Variants in SOX6 observed in about 807,000 individuals in gnomAD.
SOX6 encodes transcription factor SOX-6.
Under a neutral mutation model 97.8 loss-of-function variants are expected in SOX6, and 11 were observed. The ratio of observed to expected loss-of-function variants is 0.11; its 90% CI spans 0.07 to 0.19. SOX6 has a LOEUF of 0.19. Among genes scored for constraint, SOX6 ranks in the 10% least tolerant of loss-of-function variants. The pLI is 1.00. For synonymous variants in SOX6, 360 were observed against 371.4 expected (o/e 0.97, Z 0.35); for missense variants, 810 against 1,039.5 (o/e 0.78, Z 3.04).
chr11:16,629,466 CT>C (rs1297680661), intron 3 of SOX6, among the ~76,000 whole-genome samples: 1 of 152,114 alleles, frequency 6.6e-6, no homozygotes, highest in East Asian at 1.9e-4. Flanking sequence ...GGTGAATTAA[CT>C]TTTTGATGTA....
At chr11:16,005,118 A>G (rs1485203573) in intron 13 of SOX6, among the ~76,000 whole-genome samples, 1 of 152,006 alleles carries the variant, frequency 6.6e-6, no homozygotes, top group Non-Finnish European at 1.5e-5. Flanking sequence ...TGTTCCCTTT[A>G]TAGACTTTCC....
chr11:16,732,336 A>G (rs1402684054), intron 2 of SOX6, among the ~76,000 whole-genome samples: 2 of 152,218 alleles, frequency 1.3e-5, no homozygotes, highest in Non-Finnish European at 2.9e-5. Context: ...ACTTCAAACT[A>G]AGCTACAAGG....
chr11:16,208,238 A>G (rs1852125546), intron 4 of SOX6, among the ~76,000 whole-genome samples: 1 of 152,208 alleles, frequency 6.6e-6, no homozygotes, highest in South Asian at 2.1e-4. Flanking sequence ...CACATCTGTC[A>G]TTTGAATTTC....
chr11:16,195,763 C>T (rs1051500997), intron 4 of SOX6, among the ~76,000 whole-genome samples: 16 of 152,156 alleles, frequency 1.1e-4, no homozygotes, highest in Non-Finnish European at 5.9e-5. Context: ...CATTCTCTGG[C>T]ATTCTCCGGC....
At chr11:16,164,605 C>T (rs138874154) in intron 6 of SOX6, among the ~76,000 whole-genome samples, 41 of 152,092 alleles carry the variant, frequency 2.7e-4, no homozygotes, top group Non-Finnish European at 4.6e-4. Context: ...GGGCGGATCA[C>T]GAGGTCAGGG....
chr11:16,438,784 T>C (rs1859440161), intron 1 of SOX6, among the ~76,000 whole-genome samples: 1 of 152,024 alleles, frequency 6.6e-6, no homozygotes, highest in Non-Finnish European at 1.5e-5. Context: ...GAGAAGTCCA[T>C]GATCAGGAAA....
At chr11:16,284,570 G>A (rs1041329216) in intron 3 of SOX6, among the ~76,000 whole-genome samples, 1 of 151,816 alleles carries the variant, frequency 6.6e-6, no homozygotes, top group African/African-American at 2.4e-5. Context: ...TTATGTTCTA[G>A]GCAATATGCT....
At chr11:16,341,367 T>G in intron 1 of SOX6, 115 bp from the exon 2 acceptor site, 2 of 1,430,264 alleles carry the variant, frequency 1.4e-6, no homozygotes, top group South Asian at 2.8e-5. Flanking sequence ...TAGAGATATT[T>G]GTGGTCCACT....
intron 1 of SOX6, among the ~76,000 whole-genome samples, chr11:16,348,676 T>G (rs1856830067): frequency 6.6e-6 from 1 of 152,106 alleles, no homozygotes; most frequent in South Asian, 2.1e-4. Flanking sequence ...TGAACCTATA[T>G]CATTAAAGGG....
intron 6 of SOX6, among the ~76,000 whole-genome samples, chr11:16,167,477 G>A (rs1014643309): frequency 2.6e-5 from 4 of 152,054 alleles, no homozygotes; most frequent in South Asian, 4.1e-4. Context: ...AGGGCACGCC[G>A]TTCTTTCCAA....
chr11:16,278,297 C>T (rs10832584), intron 3 of SOX6, among the ~76,000 whole-genome samples: 118,705 of 152,062 alleles, frequency 0.78, 46,471 homozygotes, highest in Non-Finnish European at 0.8. Context: ...CTAATTATTA[C>T]CTACCTGAGA....
At chr11:16,231,576 A>C (rs1852852273) in intron 4 of SOX6, among the ~76,000 whole-genome samples, 1 of 151,852 alleles carries the variant, frequency 6.6e-6, no homozygotes, top group Non-Finnish European at 1.5e-5. Context: ...TGGCAATATG[A>C]ATCAAAAGTC....
intron 6 of SOX6, among the ~76,000 whole-genome samples, chr11:16,126,911 T>C (rs1270689237): frequency 1.3e-5 from 2 of 152,106 alleles, no homozygotes; most frequent in Admixed American, 1.3e-4. Flanking sequence ...CTTTTGTTCC[T>C]GCCAGCATAA....
At chr11:16,514,612 G>T (rs376773874) in intron 4 of SOX6, among the ~76,000 whole-genome samples, 2 of 151,206 alleles carry the variant, frequency 1.3e-5, no homozygotes, top group African/African-American at 2.4e-5. Context: ...TAGTTACATA[G>T]GTATACATGT....
intron 1 of SOX6, among the ~76,000 whole-genome samples, chr11:16,462,593 A>C (rs1859951909): frequency 6.6e-6 from 1 of 152,224 alleles, no homozygotes; most frequent in South Asian, 2.1e-4. Context: ...TTATGCAAAA[A>C]CAAAACAATT....
intron 3 of SOX6, among the ~76,000 whole-genome samples, chr11:16,619,732 A>C (rs1363583096): frequency 6.6e-6 from 1 of 152,136 alleles, no homozygotes; most frequent in Non-Finnish European, 1.5e-5. Flanking sequence ...AAAATTTCTG[A>C]ATATACTAAC....
At chr11:16,189,062 CA>C (rs1271262193) in intron 4 of SOX6, among the ~76,000 whole-genome samples, 2 of 152,042 alleles carry the variant, frequency 1.3e-5, no homozygotes, top group Non-Finnish European at 2.9e-5. Context: ...GACTCCATCT[CA>C]AAAACAAACA....
At chr11:16,687,074 AAG>A (rs1487860422) in intron 3 of SOX6, among the ~76,000 whole-genome samples, 1 of 152,250 alleles carries the variant, frequency 6.6e-6, no homozygotes, top group African/African-American at 2.4e-5. Flanking sequence ...GCAGTGAGCC[AAG>A]ATCATGCTGA....
chr11:16,522,038 C>T (rs1861074423), intron 4 of SOX6, among the ~76,000 whole-genome samples: 1 of 152,276 alleles, frequency 6.6e-6, no homozygotes, highest in Admixed American at 6.5e-5. Flanking sequence ...AGAATGGAAC[C>T]AAGTTGGAAA....
Sources: allele counts gnomAD v4.1 joint callset (sites outside exome capture counted in the v4.1 genomes callset), GRCh38; gene constraint gnomAD v4.1.1; transcripts MANE v1.5; gene names NCBI Gene and HGNC (gene_info 2026-07-23, HGNC 2026-07-21).